Variants in BABAM2 observed in about 807,000 individuals in gnomAD.
BABAM2 encodes the protein BRISC and BRCA1 A complex member 2, also known as BRISC and BRCA1-A complex member 2.
BABAM2 carries 31 observed loss-of-function variants against 54.7 expected under a neutral mutation model. The observed-to-expected ratio is 0.57, with a 90% confidence interval of 0.43 to 0.77. The LOEUF (loss-of-function observed/expected upper bound fraction) is 0.77, where lower values mean the gene tolerates loss of function less well. Ranked by LOEUF, BABAM2 falls within the 30% of genes least tolerant of loss-of-function variation. The pLI is 0.00. For synonymous variants in BABAM2, 167 were observed against 162.9 expected, an observed-to-expected ratio of 1.03 and a Z score of -0.19; for missense variants, 364 against 455.8, an observed-to-expected ratio of 0.80 and a Z score of 1.83.
intron 2 of BABAM2, among the ~76,000 whole-genome samples, chr2:27,916,587 T>TG (rs1190357810): frequency 6.6e-6 from 1 of 152,234 alleles, no homozygotes; most frequent in African/African-American, 2.4e-5. Flanking sequence ...GCAGGTATGC[T>TG]GCTGGACACT....
At chr2:28,183,750 C>CACACACACACACAG (rs1553336516) in intron 7 of BABAM2, among the ~76,000 whole-genome samples, 2 of 151,728 alleles carry the variant, frequency 1.3e-5, no homozygotes, top group African/African-American at 4.8e-5. Context: ...CACACACACA[C>CACACACACACACAG]ACACACACAC....
intron 4 of BABAM2, among the ~76,000 whole-genome samples, chr2:28,006,151 A>G (rs772590499): frequency 2.0e-5 from 3 of 151,990 alleles, no homozygotes; most frequent in Non-Finnish European, 4.4e-5. Context: ...CATTTGTCCT[A>G]GAAAATTACC....
intron 10 of BABAM2, among the ~76,000 whole-genome samples, chr2:28,252,201 C>CA (rs1303869632): frequency 2.7e-5 from 4 of 147,440 alleles, no homozygotes; most frequent in Admixed American, 1.3e-4. Flanking sequence ...AAAAAAAAAG[C>CA]AAAAAAACTA....
intron 2 of BABAM2, among the ~76,000 whole-genome samples, chr2:27,922,829 T>C (rs937531785): frequency 2.6e-5 from 4 of 152,202 alleles, no homozygotes; most frequent in Non-Finnish European, 5.9e-5. Context: ...TATTTAAAAA[T>C]AATTTTTAAA....
chr2:28,235,084 T>C (rs1681775490), intron 7 of BABAM2, among the ~76,000 whole-genome samples: 1 of 152,250 alleles, frequency 6.6e-6, no homozygotes, highest in African/African-American at 2.4e-5. Flanking sequence ...AAAAAGTCAA[T>C]ACTGAATATT....
intron 2 of BABAM2, among the ~76,000 whole-genome samples, chr2:27,923,956 C>T (rs1667503254): frequency 6.6e-6 from 1 of 151,870 alleles, no homozygotes; most frequent in Non-Finnish European, 1.5e-5. Context: ...TGGGTGACAG[C>T]AAGACCGTGT....
chr2:27,935,478 C>T (rs1668422977), intron 3 of BABAM2, among the ~76,000 whole-genome samples: 1 of 152,192 alleles, frequency 6.6e-6, no homozygotes, highest in African/African-American at 2.4e-5. Flanking sequence ...TTGCTTCTTG[C>T]AGATAAGCAA....
intron 7 of BABAM2, among the ~76,000 whole-genome samples, chr2:28,164,821 A>G (rs755282465): frequency 1.3e-5 from 2 of 152,146 alleles, no homozygotes; most frequent in Non-Finnish European, 2.9e-5. Flanking sequence ...ATCAGCTTCC[A>G]TAACTTTTCT....
At chr2:28,228,373 T>C (rs1681075647) in intron 7 of BABAM2, among the ~76,000 whole-genome samples, 1 of 152,214 alleles carries the variant, frequency 6.6e-6, no homozygotes, top group Admixed American at 6.5e-5. Flanking sequence ...TTAAAACATG[T>C]GTGCAGTGAG....
chr2:28,273,918 T>C (rs2148171461), intron 10 of BABAM2, among the ~76,000 whole-genome samples: 1 of 152,284 alleles, frequency 6.6e-6, no homozygotes, highest in African/African-American at 2.4e-5. Flanking sequence ...TCATGGAGGT[T>C]TGTGAGGATT....
chr2:28,306,356 G>A (rs901679957), intron 11 of BABAM2, among the ~76,000 whole-genome samples: 1 of 152,018 alleles, frequency 6.6e-6, no homozygotes, highest in East Asian at 1.9e-4. Context: ...GGATTCGTCT[G>A]TTTCTCCCCT....
chr2:28,036,184 GT>G (rs1676646437), intron 5 of BABAM2, among the ~76,000 whole-genome samples: 1 of 152,096 alleles, frequency 6.6e-6, no homozygotes, highest in Non-Finnish European at 1.5e-5. Flanking sequence ...ATGGACAAGT[GT>G]TGTCCAAGGA....
intron 10 of BABAM2, among the ~76,000 whole-genome samples, chr2:28,295,308 A>C (rs1220740755): frequency 1.3e-5 from 2 of 152,208 alleles, no homozygotes; most frequent in Non-Finnish European, 2.9e-5. Context: ...CTGAGTGATG[A>C]CTGTATTTGC....
intron 2 of BABAM2, among the ~76,000 whole-genome samples, chr2:27,927,908 G>C (rs748772505): frequency 2.7e-5 from 4 of 149,526 alleles, no homozygotes; most frequent in African/African-American, 7.4e-5. Flanking sequence ...AAGTGGTGCA[G>C]TCTTGGCTCA....
At chr2:28,069,516 C>G (rs1663924252) in intron 6 of BABAM2, among the ~76,000 whole-genome samples, 1 of 152,130 alleles carries the variant, frequency 6.6e-6, no homozygotes, top group African/African-American at 2.4e-5. Flanking sequence ...TCAGATAGGC[C>G]TTCTTTCTAG....
chr2:28,070,527 T>G (rs1664026987), intron 6 of BABAM2, among the ~76,000 whole-genome samples: 1 of 151,704 alleles, frequency 6.6e-6, no homozygotes, highest in Admixed American at 6.6e-5. Flanking sequence ...GCTTGCTTAC[T>G]GCTGCAGTCT....
chr2:28,146,359 A>G (rs1254256023), intron 7 of BABAM2, among the ~76,000 whole-genome samples: 2 of 152,024 alleles, frequency 1.3e-5, no homozygotes, highest in Non-Finnish European at 2.9e-5. Flanking sequence ...AAGTTTTTCC[A>G]TGTGCATATT....
intron 7 of BABAM2, among the ~76,000 whole-genome samples, chr2:28,226,233 A>C (rs1680873381): frequency 6.6e-6 from 1 of 152,342 alleles, no homozygotes; most frequent in Middle Eastern, 3.4e-3. Flanking sequence ...GGATGCAAAG[A>C]TGACAATATT....
intron 7 of BABAM2, among the ~76,000 whole-genome samples, chr2:28,232,351 C>CCCA (rs1681489286): frequency 6.6e-6 from 1 of 152,222 alleles, no homozygotes; most frequent in Admixed American, 6.5e-5. Context: ...GCCAAGCTTT[C>CCCA]AGACAGGCTG....
Sources: gnomAD v4.1 joint callset for allele counts (sites outside exome capture counted in the v4.1 genomes callset) on GRCh38, gnomAD v4.1.1 for gene constraint, MANE v1.5 for transcripts, NCBI Gene and HGNC (gene_info 2026-07-23, HGNC 2026-07-21) for gene names.